Variants in CLYBL observed in about 807,000 individuals in gnomAD.
The protein encoded by CLYBL is citramalyl-CoA lyase, mitochondrial.
A neutral mutation model predicts 38.9 loss-of-function variants in CLYBL; 31 were observed. The observed-to-expected ratio is 0.80, with a 90% CI of 0.60 to 1.08. CLYBL has a LOEUF of 1.08. Ranked by LOEUF, CLYBL falls within the 50% of genes least tolerant of loss-of-function variation. The pLI is 0.00. For missense variants in CLYBL, 434 were observed against 411.6 expected (o/e 1.05, Z -0.47); for synonymous variants, 171 against 158.6 (o/e 1.08, Z -0.59).
intron 7 of CLYBL, among the ~76,000 whole-genome samples, chr13:99,871,475 T>C (rs2051895389): frequency 6.6e-6 from 1 of 152,170 alleles, no homozygotes; most frequent in Admixed American, 6.5e-5. Context: ...GTTATTTTAA[T>C]TTGGGGGGAA....
chr13:99,692,940 T>A (rs747882044), intron 1 of CLYBL, among the ~76,000 whole-genome samples: 4 of 151,716 alleles, frequency 2.6e-5, no homozygotes, highest in Middle Eastern at 3.2e-3. Flanking sequence ...AATGTTCAAT[T>A]GTAGGAATAT....
chr13:99,685,734 G>C (rs1483538123), intron 1 of CLYBL, among the ~76,000 whole-genome samples: 1 of 152,086 alleles, frequency 6.6e-6, no homozygotes, highest in Non-Finnish European at 1.5e-5. Context: ...GGCCAAGGTG[G>C]GTGGATCACT....
chr13:99,680,724 A>G (rs1319865382), intron 1 of CLYBL, among the ~76,000 whole-genome samples: 4 of 152,172 alleles, frequency 2.6e-5, no homozygotes, highest in Non-Finnish European at 2.9e-5. Flanking sequence ...TGGAATACCT[A>G]TGCTCCATAT....
chr13:99,648,914 A>T (rs180996853), intron 1 of CLYBL, among the ~76,000 whole-genome samples: 3 of 152,104 alleles, frequency 2.0e-5, no homozygotes, highest in Admixed American at 1.3e-4. Flanking sequence ...GGATATATAT[A>T]TTTTTATATT....
intron 1 of CLYBL, among the ~76,000 whole-genome samples, chr13:99,609,478 C>T (rs1231728691): frequency 6.6e-6 from 1 of 151,992 alleles, no homozygotes; most frequent in African/African-American, 2.4e-5. Context: ...CCCAGCCGAC[C>T]TGTTTTTAGG....
At chr13:99,750,043 G>A (rs1409076738) in intron 1 of CLYBL, among the ~76,000 whole-genome samples, 1 of 152,028 alleles carries the variant, frequency 6.6e-6, no homozygotes, top group Non-Finnish European at 1.5e-5. Flanking sequence ...GGGTGAATAG[G>A]CTCTTACCTT....
intron 2 of CLYBL, among the ~76,000 whole-genome samples, chr13:99,811,437 T>C (rs1034141295): frequency 6.6e-6 from 1 of 151,750 alleles, no homozygotes; most frequent in Admixed American, 6.6e-5. Context: ...AGGATGGGGG[T>C]GGGAGGAAGG....
chr13:99,747,835 A>T (rs376661220), intron 1 of CLYBL, among the ~76,000 whole-genome samples: 331 of 152,296 alleles, frequency 2.2e-3, no homozygotes, highest in African/African-American at 7.6e-3. Context: ...TATTTGTTGA[A>T]TGTGTGTTTT....
intron 1 of CLYBL, among the ~76,000 whole-genome samples, chr13:99,615,444 G>T (rs1300559870): frequency 6.6e-6 from 1 of 152,242 alleles, no homozygotes. Flanking sequence ...CATATAAAAA[G>T]TTGTTAATTA....
At position 99,631,701 on chromosome 13, in the gene CLYBL, C is replaced by T. The variant is rs371344824; in HGVS notation, c.62+24944C>T. On this transcript the variant is annotated intron_variant, in intron 1 of 8. Coordinates refer to ENST00000339105, the MANE Select transcript of CLYBL (RefSeq NM_206808.5). ...GCAACCTCCACCTCCCGGGTTCAAG[C>T]GATTCTTCTGCCTCAGCCTCCTGAG... Among the ~76,000 whole-genome samples the T allele has an allele frequency of 5.2e-3, 785 of 152,004 alleles. 5 individuals are homozygous for T. Among genetic ancestry groups the T allele is most frequent in the African/African-American group, 0.018 (737 of 41,472 alleles).
chr13:99,880,068 A>ATATATTTTTTT (rs34063235), intron 7 of CLYBL, among the ~76,000 whole-genome samples: 2 of 101,210 alleles, frequency 2.0e-5, no homozygotes, highest in African/African-American at 8.1e-5. Context: ...ATATATATAT[A>ATATATTTTTTT]TTTTTTTTTT....
intron 2 of CLYBL, among the ~76,000 whole-genome samples, chr13:99,844,944 CTTTT>C (rs1446879319): frequency 6.6e-6 from 1 of 152,214 alleles, no homozygotes; most frequent in African/African-American, 2.4e-5. Context: ...TTTCCATCCT[CTTTT>C]TATGTTTTTT....
Position 99,629,778 on chromosome 13 carries a change from C to T in CLYBL, c.62+23021C>T, listed in dbSNP as rs181311679. ...ATGTTGTCTGGGTGAAACCACTGCA[C>T]GCTCTGGTCCCTGGGCTCCTATTGC... On this transcript the variant is annotated intron_variant, in intron 1 of 8. Transcript: ENST00000339105. Among the ~76,000 whole-genome samples the T allele has an allele frequency of 2.5e-3, 380 of 152,302 alleles. 2 individuals carry two copies. The highest frequency in any genetic ancestry group is 1.3e-3 in the Non-Finnish European group (91 of 68,028).
intron 1 of CLYBL, among the ~76,000 whole-genome samples, chr13:99,711,182 A>T (rs1418025160): frequency 6.6e-6 from 1 of 151,660 alleles, no homozygotes; most frequent in African/African-American, 2.4e-5. Context: ...ACAGTTATCT[A>T]TTTGTCTTAG....
intron 2 of CLYBL, among the ~76,000 whole-genome samples, chr13:99,821,012 C>T (rs932250362): frequency 6.6e-6 from 1 of 152,120 alleles, no homozygotes; most frequent in African/African-American, 2.4e-5. Context: ...AGTGCCCATT[C>T]CATGTTAAAT....
At chr13:99,736,741 C>A (rs1034672039) in intron 1 of CLYBL, among the ~76,000 whole-genome samples, 3 of 152,160 alleles carry the variant, frequency 2.0e-5, no homozygotes, top group Non-Finnish European at 4.4e-5. Context: ...CTCTGAGAAC[C>A]CTCTCCACTG....
intron 2 of CLYBL, among the ~76,000 whole-genome samples, chr13:99,791,179 G>A (rs1451867650): frequency 6.6e-6 from 1 of 152,040 alleles, no homozygotes; most frequent in African/African-American, 2.4e-5. Flanking sequence ...AAATTTCCCA[G>A]TTTTGACACT....
chr13:99,767,699 C>G (rs1268295583), intron 1 of CLYBL, among the ~76,000 whole-genome samples: 1 of 152,126 alleles, frequency 6.6e-6, no homozygotes, highest in East Asian at 1.9e-4. Flanking sequence ...TTCAAGTTTG[C>G]TAATTCTTTC....
At chr13:99,854,273 G>A (rs1220427338) in intron 2 of CLYBL, among the ~76,000 whole-genome samples, 1 of 152,002 alleles carries the variant, frequency 6.6e-6, no homozygotes, top group Non-Finnish European at 1.5e-5. Context: ...CGAAGGGAAA[G>A]GTGATAATTC....
Sources: allele counts gnomAD v4.1 joint callset (sites outside exome capture counted in the v4.1 genomes callset), GRCh38; gene constraint gnomAD v4.1.1; transcripts MANE v1.5; gene names NCBI Gene and HGNC (gene_info 2026-07-23, HGNC 2026-07-21).